Variants in RRBP1 observed in about 807,000 individuals in gnomAD.
RRBP1 encodes the protein ribosome-binding protein 1.
A neutral mutation model predicts 165.2 loss-of-function variants in RRBP1; 94 were observed. The observed-to-expected ratio is 0.57, with a 90% CI of 0.48 to 0.68. RRBP1 has a LOEUF of 0.68. RRBP1 is among the 30% of genes least tolerant of loss of function. The probability of loss-of-function intolerance (pLI) is 0.00; values close to 1 mark genes in which losing one functional copy is unlikely to be tolerated. For synonymous variants in RRBP1, 680 were observed against 714.5 expected (o/e 0.95, Z 0.77); for missense variants, 1,676 against 1,763.0 (o/e 0.95, Z 0.88).
rs566050715 is a variant in RRBP1, at chr20:17,629,791, T to C, written c.2749+32A>G. 1.7e-5 allele frequency: 27 copies of C among 1,582,802 alleles called. No homozygotes were observed. The East Asian group carries it at 3.1e-4, about 18-fold the overall frequency. On this transcript the variant is annotated intron_variant, in intron 9 of 24. Transcript: ENST00000377813. ...GGCATGCAGACCCAGCACCCTGCAC[T>C]GAACCCCCGGCCCCACTGCCGCCGC...
Position 17,619,657 on chromosome 20 carries a change from C to G in RRBP1, c.3651G>C (p.Gln1217His), listed in dbSNP as rs774365150. 2 of 1,612,526 alleles carry G rather than the reference C, an allele frequency of 1.2e-6. No homozygotes were observed. Among genetic ancestry groups the G allele is most frequent in the South Asian group, 1.1e-5 (1 of 90,958 alleles). The change falls in exon 19 of 25, where the codon CAG becomes CAC. Residue 1217 changes from glutamine (Q) to histidine (H), a missense_variant. Coordinates refer to ENST00000377813, the MANE Select transcript of RRBP1 (RefSeq NM_001365613.2). Reference sequence around the variant, plus strand: ...CCCCTGCCACCTCCTTGGCGTAGTTCTGGCACTCGGCGCTGGCGGCCGCCA... The same window carrying G: ...CCCCTGCCACCTCCTTGGCGTAGTTGTGGCACTCGGCGCTGGCGGCCGCCA... ...KHMAAASAECQNYAKEVAGLR... is the reference protein window; with the variant it reads ...KHMAAASAECHNYAKEVAGLR...
intron 23 of RRBP1, 41 bp downstream of exon 23, chr20:17,615,390 C>T: frequency 3.3e-6 from 5 of 1,512,872 alleles, no homozygotes; most frequent in East Asian, 2.4e-5. Context: ...AGCCCCAGAG[C>T]AGACCCTCCA....
chr20:17,640,299 A>C (rs1429500277), intron 5 of RRBP1, among the ~76,000 whole-genome samples: 1 of 152,236 alleles, frequency 6.6e-6, no homozygotes, highest in East Asian at 1.9e-4. Flanking sequence ...CAGAGTAAGA[A>C]GACAATGTCC....
chr20:17,621,347 G>A (rs560005788), intron 16 of RRBP1, 111 bp downstream of exon 16: 4 of 732,104 alleles, frequency 5.5e-6, no homozygotes, highest in Admixed American at 2.3e-5. Flanking sequence ...AGAGTCACAA[G>A]GCCAGTGGGC....
chr20:17,625,986 G>C (rs1053295045), intron 11 of RRBP1, among the ~76,000 whole-genome samples: 1 of 152,140 alleles, frequency 6.6e-6, no homozygotes, highest in African/African-American at 2.4e-5. Context: ...GTCCCCAAAA[G>C]AATGAGACTC....
At position 17,660,083 on chromosome 20, in the gene RRBP1, T is replaced by C. The variant is rs1202268607; in HGVS notation, c.425A>G (p.Lys142Arg). The C allele has an allele frequency of 6.2e-7, 1 of 1,613,744 alleles. No homozygotes were observed. Among genetic ancestry groups the C allele is most frequent in the Admixed American group, 1.7e-5 (1 of 60,008 alleles). The change falls in exon 3 of 25, where the codon AAG (lysine) becomes AGG (arginine). Residue 142 changes from lysine to arginine, a missense_variant. This residue lies in a region of RRBP1 where 392 missense variants were observed against 382.5 expected (regional missense o/e 1.02). Coordinates refer to ENST00000377813, the MANE Select transcript of RRBP1 (RefSeq NM_001365613.2). ...TTCCACTTTTGCCACTTTTTTCTCC[T>C]TCTTCTTTTTGTCCTTGGGGGAGGA... ...LASSPKDKKK[K>R]EKKVAKVEPA...
chr20:17,630,292 T>C lies in RRBP1; in HGVS notation c.2611-331A>G, dbSNP rs560414778. On this transcript the variant is annotated intron_variant, in intron 8 of 24. Transcript: ENST00000377813. ...ACTGATTCAGAGTAAACTAGCGACA[T>C]TTCCCAATCCAGTCCTCGATTCCTC... Among the ~76,000 whole-genome samples, 28 of 152,296 alleles carry C rather than the reference T, an allele frequency of 1.8e-4. No individual in the cohort carries two copies. In the South Asian group the frequency reaches 5.2e-3, roughly 28 times the overall value.
intron 13 of RRBP1, among the ~76,000 whole-genome samples, chr20:17,624,296 G>A (rs1442107840): frequency 1.3e-5 from 2 of 152,180 alleles, no homozygotes; most frequent in South Asian, 2.1e-4. Context: ...CACTGTGTGC[G>A]TCCTAGTGCA....
intron 4 of RRBP1, 147 bp from the exon 5 acceptor site, chr20:17,642,066 T>C (rs924775841): frequency 6.4e-6 from 6 of 932,236 alleles, no homozygotes; most frequent in African/African-American, 5.0e-5. Context: ...CAGATACTTG[T>C]GGGGAAAGGC....
rs774210300 is a variant in RRBP1, at chr20:17,635,622, G to C, written c.2380C>G (p.Gln794Glu). The C allele has an allele frequency of 6.2e-7, 1 of 1,613,464 alleles. No individual in the cohort carries two copies. The highest frequency in any genetic ancestry group is 2.2e-5 in the East Asian group (1 of 44,870). ...TTCTCCTGCTGCAGGCGGGCCAGCT[G>C]CGTGTTGGGGCCATTCTCCAGCTGC... Reference protein sequence around the residue: ...QEQLENGPNTQLARLQQENSI... With the variant: ...QEQLENGPNTELARLQQENSI... Residue 794 changes from glutamine (Q) to glutamate (E), a missense_variant, in exon 7 of 25, where the codon CAG becomes GAG. Gln to Glu is a conservative substitution (Grantham distance 29, BLOSUM62 2). Around this residue, in one of 5 missense-constraint regions of RRBP1, gnomAD observed 1,184 missense variants for 1,167.1 expected, o/e 1.01. Coordinates refer to ENST00000377813, the MANE Select transcript of RRBP1 (RefSeq NM_001365613.2).
At chr20:17,651,283 G>A (rs1051316585) in intron 3 of RRBP1, among the ~76,000 whole-genome samples, 4 of 152,148 alleles carry the variant, frequency 2.6e-5, no homozygotes, top group Admixed American at 2.6e-4. Flanking sequence ...CAAATCTTGT[G>A]GGCCTCTCAT....
chr20:17,661,425 CA>C (rs1275463425), intron 2 of RRBP1, among the ~76,000 whole-genome samples: 2 of 152,192 alleles, frequency 1.3e-5, no homozygotes, highest in Admixed American at 1.3e-4. Flanking sequence ...GAGACAGTGT[CA>C]GCAGGCCCCT....
chr20:17,620,533 C>CCTAGGCGGGGGCCT (rs777214717), intron 17 of RRBP1, 163 bp from the exon 18 acceptor site: 72 of 824,150 alleles, frequency 8.7e-5, no homozygotes, highest in African/African-American at 1.7e-5. Context: ...GCAGTGTCTT[C>CCTAGGCGGGGGCCT]CTAGGCGGGG....
chr20:17,670,305 G>A (rs1225404430), intron 2 of RRBP1, among the ~76,000 whole-genome samples: 1 of 151,586 alleles, frequency 6.6e-6, no homozygotes, highest in Non-Finnish European at 1.5e-5. Flanking sequence ...ATCTTTTCAG[G>A]TATGAGATCT....
At chr20:17,670,572 G>A (rs1298883597) in intron 2 of RRBP1, among the ~76,000 whole-genome samples, 1 of 151,620 alleles carries the variant, frequency 6.6e-6, no homozygotes, top group Non-Finnish European at 1.5e-5. Context: ...TCTTATCCTT[G>A]TTCCAGCCTC....
intron 2 of RRBP1, among the ~76,000 whole-genome samples, chr20:17,672,334 A>C (rs2036994087): frequency 6.6e-6 from 1 of 152,214 alleles, no homozygotes; most frequent in Admixed American, 6.5e-5. Flanking sequence ...TTATATTAGG[A>C]AATATCACCT....
chr20:17,630,919 C>T (rs1014887907), intron 8 of RRBP1, among the ~76,000 whole-genome samples: 3 of 152,242 alleles, frequency 2.0e-5, no homozygotes, highest in Non-Finnish European at 2.9e-5. Context: ...AGGGCAATGG[C>T]TGCACAACCT....
chr20:17,615,361 C>T (rs571373837), intron 23 of RRBP1, 70 bp downstream of exon 23: 898 of 1,288,482 alleles, frequency 7.0e-4, no homozygotes, highest in Non-Finnish European at 7.6e-4. Flanking sequence ...GGCCCCTTTC[C>T]GAGGCCAAGA....
intron 21 of RRBP1, among the ~76,000 whole-genome samples, chr20:17,616,418 C>T (rs1416136015): frequency 6.6e-6 from 1 of 152,186 alleles, no homozygotes; most frequent in Non-Finnish European, 1.5e-5. Context: ...CAGTGGGAGA[C>T]AGTCCCCTTC....
Sources: gnomAD v4.1 joint callset for allele counts (sites outside exome capture counted in the v4.1 genomes callset) on GRCh38, gnomAD v4.1.1 for gene constraint, gnomAD v4.1.1 regional missense constraint, MANE v1.5 for transcripts, NCBI Gene and HGNC (gene_info 2026-07-23, HGNC 2026-07-21) for gene names.